Variants in MICU3 observed in about 807,000 individuals in gnomAD.
MICU3 encodes mitochondrial calcium uptake 3.
In MICU3, 62 loss-of-function variants were observed where a neutral mutation model predicts 66.5. The ratio of observed to expected loss-of-function variants is 0.93; its 90% CI spans 0.76 to 1.15. The LOEUF (loss-of-function observed/expected upper bound fraction) is 1.15. Among genes scored for constraint, MICU3 ranks in the 50% most tolerant of loss-of-function variants. The pLI is 0.00. For synonymous variants in MICU3, 308 were observed against 240.7 expected, an observed-to-expected ratio of 1.28 and a Z score of -2.59; for missense variants, 779 against 664.4, an observed-to-expected ratio of 1.17 and a Z score of -1.90.
chr8:17,073,873 A>G (rs1271703137), intron 3 of MICU3, among the ~76,000 whole-genome samples: 1 of 152,226 alleles, frequency 6.6e-6, no homozygotes, highest in African/African-American at 2.4e-5. Flanking sequence ...TAGAACTAGA[A>G]AACAAGGTTG....
intron 8 of MICU3, among the ~76,000 whole-genome samples, chr8:17,095,264 A>C (rs556094766): frequency 6.6e-6 from 1 of 152,056 alleles, no homozygotes; most frequent in East Asian, 1.9e-4. Context: ...TTGTGGGCAT[A>C]CAATTGTTGG....
In MICU3 at chr8:17,027,475, G is replaced by C. The variant is rs905070817; in HGVS notation, c.196G>C (p.Glu66Gln). 13 of 1,288,440 alleles carry C rather than the reference G, an allele frequency of 1.0e-5. No individual in the cohort carries two copies. The East Asian group carries it at 3.7e-4, about 37-fold the overall frequency. 79.8% of individuals were successfully genotyped at this position (1,288,440 alleles called of 1,614,324 possible). A position where few individuals can be genotyped will look rare whatever the true frequency, so the allele number is the denominator to read the frequency against. ...ATGGAGGCGGCGGCGGCGCTGGGGG[G>C]AGCTGAGCGTGGCGGCGGCGGCCGG... ...AAWRRRRRWG[E>Q]LSVAAAAGGG... Residue 66 changes from glutamate to glutamine, a missense_variant, in exon 1 of 15, where the codon GAG becomes CAG. Transcript: ENST00000318063.
At chr8:17,056,689 C>G (rs1481682228) in intron 1 of MICU3, among the ~76,000 whole-genome samples, 1 of 152,158 alleles carries the variant, frequency 6.6e-6, no homozygotes, top group African/African-American at 2.4e-5. Context: ...GCTGTGTGGT[C>G]AGAGTCTAAG....
chr8:17,035,960 A>G (rs1417690560), intron 1 of MICU3, among the ~76,000 whole-genome samples: 4 of 152,270 alleles, frequency 2.6e-5, no homozygotes, highest in African/African-American at 9.6e-5. Context: ...CCTAGGAGGA[A>G]AAAATGGTTT....
intron 1 of MICU3, among the ~76,000 whole-genome samples, chr8:17,043,003 T>G (rs1271182295): frequency 7.3e-6 from 1 of 137,644 alleles, no homozygotes; most frequent in Non-Finnish European, 1.5e-5. Context: ...GCAGTGGCGC[T>G]ATCCCGGCTC....
In MICU3 at chr8:17,116,517, A is replaced by G; in HGVS notation, c.1441A>G (p.Ile481Val). The G allele has an allele frequency of 2.5e-6, 4 of 1,569,884 alleles. No individual in the cohort carries two copies. Among genetic ancestry groups the G allele is most frequent in the South Asian group, 1.2e-5 (1 of 83,080 alleles). Residue 481 changes from isoleucine to valine, a missense_variant, in exon 13 of 15, where the codon ATT (isoleucine) becomes GTT (valine). By Grantham distance (29) the Ile-to-Val change is conservative (BLOSUM62 3). Coordinates refer to ENST00000318063, the MANE Select transcript of MICU3 (RefSeq NM_181723.3). ...ACATTTAGTGAACACTGTCTTCAAG[A>G]TTTTTGATGTTGACAAAGATGATCA... ...SPHLVNTVFK[I>V]FDVDKDDQLS...
chr8:17,135,878 A>G, the MICU3 span, among the ~76,000 whole-genome samples: 2 of 152,048 alleles, frequency 1.3e-5, no homozygotes, highest in Non-Finnish European at 2.9e-5. Context: ...TCCAGATGTA[A>G]TATATCTTTT....
chr8:17,081,390 A>G (rs1424901949), intron 4 of MICU3, among the ~76,000 whole-genome samples: 1 of 152,042 alleles, frequency 6.6e-6, no homozygotes, highest in Non-Finnish European at 1.5e-5. Flanking sequence ...ATTTTGTGTT[A>G]AGAGTCGTAC....
At chr8:17,091,092 G>A (rs145540660) in intron 8 of MICU3, among the ~76,000 whole-genome samples, 1 of 152,000 alleles carries the variant, frequency 6.6e-6, no homozygotes, top group Non-Finnish European at 1.5e-5. Context: ...AAAATCTGGT[G>A]TAAGCTGCTA....
At position 17,121,556 on chromosome 8, in the gene MICU3, A is replaced by T. The variant is rs1277344119; in HGVS notation, c.*1269A>T. On this transcript the variant is annotated 3_prime_UTR_variant, in exon 15 of 15. Transcript: ENST00000318063. ...TTGCATATGGAAGATAAGTTCATTT[A>T]TCTTCCTTTCTAAGACATATTTAAT... The T allele has an allele frequency of 6.6e-6, 1 of 152,250 alleles. No individual in the cohort carries two copies. Among genetic ancestry groups the T allele is most frequent in the South Asian group, 2.1e-4 (1 of 4,828 alleles). 9.4% of individuals were successfully genotyped at this position (152,250 alleles called of 1,614,324 possible). A position where few individuals can be genotyped will look rare whatever the true frequency, so the allele number is the denominator to read the frequency against.
In MICU3 at chr8:17,030,860, T is replaced by A. The variant is rs182636191; in HGVS notation, c.381+3200T>A. On this transcript the variant is annotated intron_variant, in intron 1 of 14. Transcript: ENST00000318063. ...GTCTCTGCAGAACTCAGGTAGTGCC[T>A]CTGTTCTCTTAAGTCAATTATCACT... is the stretch of plus-strand genomic sequence containing the variant. 5.9e-5 allele frequency among the ~76,000 whole-genome samples: 9 copies of A among 152,342 alleles called. No individual in the cohort carries two copies. The East Asian group carries it at 1.4e-3, about 23-fold the overall frequency.
the MICU3 span, among the ~76,000 whole-genome samples, chr8:17,138,558 G>T: frequency 1.3e-5 from 2 of 152,092 alleles, no homozygotes; most frequent in East Asian, 3.9e-4. Flanking sequence ...AAAGAATACT[G>T]GTCACCTCAC....
Position 17,121,717 on chromosome 8 carries a change from A to C in MICU3, c.*1430A>C, listed in dbSNP as rs948033992. The C allele has an allele frequency of 1.3e-5, 2 of 152,266 alleles. No homozygotes were observed. The highest frequency in any genetic ancestry group is 3.8e-4 in the East Asian group (2 of 5,204). The allele number at this position is 152,266 out of a possible 1,614,324, so 9.4% of individuals were successfully genotyped here. ...TATAAAAGTAATGTTATTTCCAAGA[A>C]AATGTTACTCTTAGCATTGATTTTG... is the stretch of plus-strand genomic sequence containing the variant. On this transcript the variant is annotated 3_prime_UTR_variant, in exon 15 of 15. Transcript: ENST00000318063.
chr8:17,131,933 C>T, the MICU3 span: 7 of 152,104 alleles, frequency 4.6e-5, no homozygotes, highest in African/African-American at 1.4e-4. Context: ...CATAGTCTGC[C>T]CCTTTGAGTA....
chr8:17,049,552 C>T (rs1815691940), intron 1 of MICU3: 3 of 513,488 alleles, frequency 5.8e-6, no homozygotes, highest in African/African-American at 5.8e-5. Flanking sequence ...CTAAAGTTTG[C>T]AGAAAGTTAA....
chr8:17,059,154 A>C (rs1817438979), intron 1 of MICU3, among the ~76,000 whole-genome samples: 1 of 152,198 alleles, frequency 6.6e-6, no homozygotes, highest in Non-Finnish European at 1.5e-5. Context: ...GTTTCATCCA[A>C]TATAGTTTGA....
intron 1 of MICU3, 139 bp from the exon 2 acceptor site, chr8:17,063,945 T>C (rs547906867): frequency 4.2e-6 from 2 of 471,040 alleles, no homozygotes; most frequent in African/African-American, 4.0e-5. Context: ...ATTTATAAAG[T>C]GATTAACGTT....
rs189947743 is a variant in MICU3, at chr8:17,061,910, T to A, written c.382-2174T>A. Among the ~76,000 whole-genome samples, 220 of 152,246 alleles carry A rather than the reference T, an allele frequency of 1.4e-3. 1 individual carries two copies. The highest frequency in any genetic ancestry group is 5.1e-3 in the African/African-American group (211 of 41,558). On this transcript the variant is annotated intron_variant, in intron 1 of 14. Coordinates refer to ENST00000318063, the MANE Select transcript of MICU3 (RefSeq NM_181723.3). ...TCACCCACGGCAGGGCCAAAACAAT[T>A]TTCCAATACCTGTGGACACCTGAGC... is the stretch of plus-strand genomic sequence containing the variant.
At chr8:17,083,657 T>C (rs1821519482) in intron 5 of MICU3, among the ~76,000 whole-genome samples, 1 of 152,108 alleles carries the variant, frequency 6.6e-6, no homozygotes, top group South Asian at 2.1e-4. Flanking sequence ...ATTAAAATGT[T>C]AGTGCTGAAG....
Sources: gnomAD v4.1 joint callset for allele counts (sites outside exome capture counted in the v4.1 genomes callset) on GRCh38, gnomAD v4.1.1 for gene constraint, MANE v1.5 for transcripts, NCBI Gene and HGNC (gene_info 2026-07-23, HGNC 2026-07-21) for gene names.